Variants in RPS6KA2 observed in about 807,000 individuals in gnomAD.
The protein encoded by RPS6KA2 is ribosomal protein S6 kinase A2.
A neutral mutation model predicts 91.8 loss-of-function variants in RPS6KA2; 42 were observed. The ratio of observed to expected loss-of-function variants is 0.46; its 90% confidence interval spans 0.36 to 0.59. The LOEUF is 0.59. Ranked by LOEUF, RPS6KA2 falls within the 20% of genes least tolerant of loss-of-function variation. The pLI, the probability that RPS6KA2 is intolerant of heterozygous loss-of-function variation, is 0.00. For missense variants in RPS6KA2, 798 were observed against 978.5 expected (o/e 0.82, Z 2.46); for synonymous variants, 414 against 393.6 (o/e 1.05, Z -0.61).
intron 17 of RPS6KA2, among the ~76,000 whole-genome samples, chr6:166,422,165 G>T (rs1422979713): frequency 6.6e-6 from 1 of 152,214 alleles, no homozygotes; most frequent in African/African-American, 2.4e-5. Flanking sequence ...CTCCCAAAGT[G>T]CTGGGATTAC....
chr6:166,627,142 G>C lies in RPS6KA2; in HGVS notation c.-123C>G. 8.8e-7 allele frequency: 1 copy of C among 1,132,238 alleles called. No individual in the cohort carries two copies. The highest frequency in any genetic ancestry group is 1.1e-6 in the Non-Finnish European group (1 of 924,356). 70.1% of individuals were successfully genotyped at this position (1,132,238 alleles called of 1,614,324 possible). A position where few individuals can be genotyped will look rare whatever the true frequency, so the allele number is the denominator to read the frequency against. On this transcript the variant is annotated 5_prime_UTR_variant, in exon 1 of 21. Transcript: ENST00000265678. ...CAGGGAGCCCGGCACGGCGGCCATG[G>C]GCGCGGGGCGTGGGGCGCGAGCTGC...
chr6:166,766,893 C>T (rs1222919870), intron 2 of RPS6KA2, among the ~76,000 whole-genome samples: 1 of 152,250 alleles, frequency 6.6e-6, no homozygotes, highest in Non-Finnish European at 1.5e-5. Context: ...TCCCTTGGCA[C>T]CCTACTCGCC....
chr6:166,636,161 T>G (rs1787236438), intron 2 of RPS6KA2, among the ~76,000 whole-genome samples: 2 of 133,886 alleles, frequency 1.5e-5, no homozygotes, highest in East Asian at 2.6e-4. Flanking sequence ...CAGCCTGGCC[T>G]TCCCTTCATT....
rs1351508293 is a variant in RPS6KA2 at position 166,430,547 on chromosome 6, T to G, written c.1487A>C (p.Asp496Ala). 6.2e-7 allele frequency: 1 copy of G among 1,613,904 alleles called. No homozygotes were observed. The highest frequency in any genetic ancestry group is 2.2e-5 in the East Asian group (1 of 44,836). ...GAAGTATCTCTGCCGGAGGATGCGG[T>G]CCAGGAGCTCCCCACCACGCATCAG... ...MELMRGGELL[D>A]RILRQRYFSE... Residue 496 changes from aspartate to alanine, a missense_variant, in exon 16 of 21, where the codon GAC becomes GCC. Asp to Ala is a moderately radical substitution (Grantham distance 126). Coordinates refer to ENST00000265678, the MANE Select transcript of RPS6KA2 (RefSeq NM_021135.6).
chr6:166,797,217 G>A (rs932580707), intron 2 of RPS6KA2, among the ~76,000 whole-genome samples: 3 of 152,200 alleles, frequency 2.0e-5, no homozygotes, highest in African/African-American at 4.8e-5. Context: ...CCCCACATCC[G>A]TGCTGGGGAC....
At chr6:166,720,396 A>C (rs1583048590) in intron 2 of RPS6KA2, among the ~76,000 whole-genome samples, 1 of 152,214 alleles carries the variant, frequency 6.6e-6, no homozygotes, top group African/African-American at 2.4e-5. Context: ...CCTAAATAAA[A>C]GAATGGATGG....
chr6:166,490,724 C>T lies in RPS6KA2; in HGVS notation c.765G>A (p.Gly255=), dbSNP rs35257815. ...TGTCCTTCCCCTGGAACGGCAGGGA[C>T]CCCGTGAGCATCTCAAACTGCAGAG... ...FGVLMFEMLT[G]SLPFQGKDRK... Residue 255 remains glycine (G), a synonymous_variant, in exon 9 of 21, where the codon GGG becomes GGA. Transcript: ENST00000265678. The surrounding 1 kb of genome is among the most constrained non-coding windows in gnomAD (Gnocchi z 4.2). 31,451 of 1,612,192 alleles carry T rather than the reference C, an allele frequency of 0.02. 421 individuals carry two copies. Among genetic ancestry groups the T allele is most frequent in the Middle Eastern group, 0.035 (215 of 6,062 alleles).
In RPS6KA2 at chr6:166,770,081, C is replaced by T. The variant is rs1474401581; in HGVS notation, c.123+88119G>A. ...CCAACTTCCAATGACCCGTTTGGCA[C>T]CTACAAGGAGCAGGCCCATCTAGCC... On this transcript the variant is annotated intron_variant, in intron 2 of 21. Coordinates refer to the RPS6KA2 transcript ENST00000503859. The surrounding 1 kb of genome is among the most constrained non-coding windows in gnomAD (Gnocchi z 5.1). 6.6e-6 allele frequency among the ~76,000 whole-genome samples: 1 copy of T among 152,182 alleles called. No homozygotes were observed. Among genetic ancestry groups the T allele is most frequent in the Non-Finnish European group, 1.5e-5 (1 of 68,042 alleles).
rs1787194564 is a variant in RPS6KA2, at chr6:166,635,166, C to G, written c.124-96382G>C. On this transcript the variant is annotated intron_variant, in intron 2 of 21. Transcript: ENST00000503859. The surrounding 1 kb of genome is among the most constrained non-coding windows in gnomAD (Gnocchi z 4.8). ...GACTCACTAATTATCAATCACTTCT[C>G]TCCCACGTACACCTTGGCATGAATG... 6.6e-6 allele frequency among the ~76,000 whole-genome samples: 1 copy of G among 152,248 alleles called. No individual in the cohort carries two copies. The highest frequency in any genetic ancestry group is 2.4e-5 in the African/African-American group (1 of 41,464).
chr6:166,475,068 C>T (rs551786361), intron 10 of RPS6KA2, among the ~76,000 whole-genome samples: 79 of 152,290 alleles, frequency 5.2e-4, no homozygotes, highest in African/African-American at 1.8e-3. Flanking sequence ...AGTCCTCCAC[C>T]TGGGAGGCGT....
intron 11 of RPS6KA2, among the ~76,000 whole-genome samples, chr6:166,467,264 T>C (rs1437446111): frequency 6.6e-6 from 1 of 151,638 alleles, no homozygotes; most frequent in African/African-American, 2.4e-5. Flanking sequence ...ACTCACTCAG[T>C]AGGGATTCAT....
At chr6:166,802,294 C>T (rs1290303305) in intron 2 of RPS6KA2, among the ~76,000 whole-genome samples, 3 of 151,860 alleles carry the variant, frequency 2.0e-5, no homozygotes, top group Non-Finnish European at 4.4e-5. Flanking sequence ...AAAAATCAAT[C>T]CCTCCCTAGA....
chr6:166,450,412 C>T (rs62438443), intron 13 of RPS6KA2, among the ~76,000 whole-genome samples: 4 of 78,598 alleles, frequency 5.1e-5, no homozygotes, highest in Admixed American at 1.5e-4. Context: ...ACCACAGGGA[C>T]CACCACAGGG....
chr6:166,464,323 G>A (rs1780440264), intron 11 of RPS6KA2, among the ~76,000 whole-genome samples: 1 of 152,166 alleles, frequency 6.6e-6, no homozygotes, highest in African/African-American at 2.4e-5. Flanking sequence ...TCCTCTACAA[G>A]TTTCTCCCAT....
chr6:166,702,257 T>C, intron 2 of RPS6KA2: 5 of 1,613,282 alleles, frequency 3.1e-6, no homozygotes, highest in Non-Finnish European at 4.2e-6. Flanking sequence ...ACATGGTTTC[T>C]GCTTGGACAC....
chr6:166,410,983 A>G lies in RPS6KA2; in HGVS notation c.*1779T>C, dbSNP rs1045802599. 7 of 152,176 alleles carry G rather than the reference A, an allele frequency of 4.6e-5. No individual in the cohort carries two copies. Among genetic ancestry groups the G allele is most frequent in the African/African-American group, 1.4e-4 (6 of 41,444 alleles). The allele number at this position is 152,176 out of a possible 1,614,324, so 9.4% of individuals were successfully genotyped here. A position where few individuals can be genotyped will look rare whatever the true frequency, so the allele number is the denominator to read the frequency against. On this transcript the variant is annotated 3_prime_UTR_variant, in exon 21 of 21. Coordinates refer to ENST00000265678, the MANE Select transcript of RPS6KA2 (RefSeq NM_021135.6). ...TAAAAAGCAAATTCATCATGGTGGA[A>G]GTCGTTCTAGCCTTGGGAAAAAGCA...
upstream of RPS6KA2, among the ~76,000 whole-genome samples, chr6:166,628,440 G>A (rs982058633): frequency 6.6e-6 from 1 of 152,232 alleles, no homozygotes; most frequent in Non-Finnish European, 1.5e-5. Flanking sequence ...AGTGCGAACT[G>A]CAAAATCCTC....
intron 2 of RPS6KA2, among the ~76,000 whole-genome samples, chr6:166,828,491 G>C (rs1263881715): frequency 6.6e-6 from 1 of 152,206 alleles, no homozygotes; most frequent in East Asian, 1.9e-4. Context: ...GGTAGAAGTA[G>C]AGCAAGTACT....
Position 166,538,791 on chromosome 6 carries a change from G to A in RPS6KA2, c.100-7C>T, listed in dbSNP as rs202226927. On this transcript the variant is annotated splice_region_variant and splice_polypyrimidine_tract_variant and intron_variant, in intron 1 of 20. Coordinates refer to ENST00000265678, the MANE Select transcript of RPS6KA2 (RefSeq NM_021135.6). ...CCTTCACGACGCCTTCTTCCTGCAA[G>A]AGAGCGGCACGGGTGAGAAACACAC... 2 of 1,492,916 alleles carry A rather than the reference G, an allele frequency of 1.3e-6. No homozygotes were observed. Among genetic ancestry groups the A allele is most frequent in the Non-Finnish European group, 1.9e-6 (2 of 1,070,146 alleles). The allele number at this position is 1,492,916 out of a possible 1,614,324, so 92.5% of individuals were successfully genotyped here. A position where few individuals can be genotyped will look rare whatever the true frequency, so the allele number is the denominator to read the frequency against.
Sources: allele counts gnomAD v4.1 joint callset (sites outside exome capture counted in the v4.1 genomes callset), GRCh38; gene constraint gnomAD v4.1.1; non-coding constraint Gnocchi (gnomAD v3.1); transcripts MANE v1.5; gene names NCBI Gene and HGNC (gene_info 2026-07-23, HGNC 2026-07-21).